Variants in PRMT3 observed in about 807,000 individuals in gnomAD.
PRMT3 encodes protein arginine methyltransferase 3.
PRMT3 carries 62 observed loss-of-function variants against 71.9 expected under a neutral mutation model. The observed-to-expected ratio is 0.86, with a 90% CI of 0.70 to 1.07. The LOEUF is 1.07. Among genes scored for constraint, PRMT3 ranks in the 50% least tolerant of loss-of-function variants. The pLI is 0.00. For missense variants in PRMT3, 663 were observed against 643.0 expected, an observed-to-expected ratio of 1.03 and a Z score of -0.34; for synonymous variants, 213 against 220.4, an observed-to-expected ratio of 0.97 and a Z score of 0.30.
In PRMT3 at chr11:20,504,707, T is replaced by TGAGAGAGAGA. The variant is rs57201745; in HGVS notation, c.1487-3567_1487-3558dup. 8.7e-4 allele frequency among the ~76,000 whole-genome samples: 116 copies of TGAGAGAGAGA among 133,624 alleles called. 1 individual carries two copies. Among genetic ancestry groups the TGAGAGAGAGA allele is most frequent in the African/African-American group, 2.6e-3 (85 of 33,118 alleles). The allele number at this position is 133,624 out of a possible 152,430, so 87.7% of individuals were successfully genotyped here. On this transcript the variant is annotated intron_variant, in intron 15 of 15. Coordinates refer to ENST00000331079, the MANE Select transcript of PRMT3 (RefSeq NM_005788.4). ...TATTGTATGTGTGTGTGTGTGTGTG[T>TGAGAGAGAGA]GAGAGAGAGAGAGAGAGAGAGAGAG... is the stretch of plus-strand genomic sequence containing the variant.
chr11:20,413,193 C>T (rs959893747), intron 9 of PRMT3, among the ~76,000 whole-genome samples: 2 of 152,020 alleles, frequency 1.3e-5, no homozygotes, highest in Non-Finnish European at 2.9e-5. Flanking sequence ...TTATAGTGTT[C>T]TTATGTGTCT....
chr11:20,500,214 A>T (rs1176168857), intron 15 of PRMT3, among the ~76,000 whole-genome samples: 10 of 152,232 alleles, frequency 6.6e-5, no homozygotes, highest in African/African-American at 2.4e-4. Flanking sequence ...TATATGCAAA[A>T]CTTGTATATT....
intron 13 of PRMT3, among the ~76,000 whole-genome samples, chr11:20,466,696 CTTAGTT>C (rs1207372861): frequency 3.9e-5 from 6 of 152,078 alleles, no homozygotes; most frequent in African/African-American, 1.4e-4. Flanking sequence ...CTTCAGTCAT[CTTAGTT>C]TTATTCTGTA....
intron 8 of PRMT3, among the ~76,000 whole-genome samples, chr11:20,404,139 A>G (rs1177235233): frequency 7.7e-6 from 1 of 129,736 alleles, no homozygotes; most frequent in Non-Finnish European, 1.7e-5. Flanking sequence ...TAAAAATTAT[A>G]GTTATCAGTT....
intron 13 of PRMT3, 67 bp from the exon 14 acceptor site, chr11:20,493,852 C>A: frequency 1.9e-6 from 2 of 1,056,508 alleles, no homozygotes; most frequent in Non-Finnish European, 2.8e-6. Context: ...TCTTAAGAGA[C>A]AGTAATGAGT....
At chr11:20,485,209 G>A (rs1851042290) in intron 13 of PRMT3, among the ~76,000 whole-genome samples, 1 of 152,010 alleles carries the variant, frequency 6.6e-6, no homozygotes, top group African/African-American at 2.4e-5. Context: ...ATCTCGGTTT[G>A]CCATGCCCCC....
In PRMT3 at chr11:20,426,864, T is replaced by A; in HGVS notation, c.992T>A (p.Met331Lys). ...EKVDVIISEWMGYFLLFESML... is the reference protein window; with the variant it reads ...EKVDVIISEWKGYFLLFESML... The stretch of plus-strand genomic sequence containing the variant: ...GTAGATGTTATCATATCTGAGTGGA[T>A]GGTGAGTGTTTATAGAAAAAACTAC... The change falls in exon 10 of 16, where the codon ATG becomes AAG. Residue 331 changes from methionine to lysine, a missense_variant and splice_region_variant. Coordinates refer to ENST00000331079, the MANE Select transcript of PRMT3 (RefSeq NM_005788.4). 3.9e-6 allele frequency: 6 copies of A among 1,527,716 alleles called. No homozygotes were observed. The South Asian group carries it at 8.0e-5, about 20-fold the overall frequency. 94.6% of individuals were successfully genotyped at this position (1,527,716 alleles called of 1,614,324 possible).
At chr11:20,506,836 C>T (rs930717241) in intron 15 of PRMT3, among the ~76,000 whole-genome samples, 4 of 152,050 alleles carry the variant, frequency 2.6e-5, no homozygotes, top group African/African-American at 7.2e-5. Flanking sequence ...TTTTAAACAG[C>T]TCTTTAAAAT....
At chr11:20,475,570 C>T (rs1328188303) in intron 13 of PRMT3, among the ~76,000 whole-genome samples, 1 of 52,354 alleles carries the variant, frequency 1.9e-5, no homozygotes, top group African/African-American at 3.9e-5. Flanking sequence ...TCTGTTTTTA[C>T]TTAAAAACCT....
chr11:20,476,284 C>T (rs1850782241), intron 13 of PRMT3, among the ~76,000 whole-genome samples: 1 of 151,998 alleles, frequency 6.6e-6, no homozygotes, highest in Admixed American at 6.6e-5. Flanking sequence ...ACCCAGGAGG[C>T]AGAGGTTGCA....
At chr11:20,473,742 A>G (rs772734500) in intron 13 of PRMT3, among the ~76,000 whole-genome samples, 9 of 151,930 alleles carry the variant, frequency 5.9e-5, no homozygotes, top group Admixed American at 3.3e-4. Flanking sequence ...ACTTCTGTCA[A>G]TTCAGCCATC....
chr11:20,448,446 GATTAT>G (rs1205385172), intron 10 of PRMT3, among the ~76,000 whole-genome samples: 4 of 152,048 alleles, frequency 2.6e-5, no homozygotes, highest in African/African-American at 7.2e-5. Context: ...TAGAAATTAT[GATTAT>G]ATTATATAGG....
chr11:20,488,795 CAT>C (rs1491561356), intron 13 of PRMT3, among the ~76,000 whole-genome samples: 1 of 152,132 alleles, frequency 6.6e-6, no homozygotes, highest in Non-Finnish European at 1.5e-5. Flanking sequence ...CTGAGAAAGT[CAT>C]TTTTTATCCC....
intron 11 of PRMT3, among the ~76,000 whole-genome samples, chr11:20,453,512 CAT>C (rs1419044336): frequency 6.6e-6 from 1 of 150,660 alleles, no homozygotes; most frequent in African/African-American, 2.4e-5. Flanking sequence ...AAGGCCAAAA[CAT>C]AAATACAGAG....
chr11:20,483,784 A>T (rs1265066229), intron 13 of PRMT3, among the ~76,000 whole-genome samples: 1 of 152,172 alleles, frequency 6.6e-6, no homozygotes, highest in African/African-American at 2.4e-5. Flanking sequence ...GTAGCCTTGT[A>T]TACTCTTCCT....
At chr11:20,396,128 A>C (rs994164251) in intron 6 of PRMT3, among the ~76,000 whole-genome samples, 166 bp downstream of exon 6, 20 of 152,240 alleles carry the variant, frequency 1.3e-4, no homozygotes, top group Non-Finnish European at 2.9e-5. Flanking sequence ...CTATGGATAT[A>C]GTTAATTAAT....
intron 9 of PRMT3, among the ~76,000 whole-genome samples, chr11:20,408,877 T>C (rs1849130340): frequency 6.6e-6 from 1 of 151,976 alleles, no homozygotes; most frequent in Non-Finnish European, 1.5e-5. Flanking sequence ...AAGGATTGCT[T>C]GAGCCCAGGA....
At chr11:20,497,096 A>C (rs1851351155) in intron 15 of PRMT3, among the ~76,000 whole-genome samples, 1 of 152,198 alleles carries the variant, frequency 6.6e-6, no homozygotes, top group Non-Finnish European at 1.5e-5. Flanking sequence ...CTAGAATTTT[A>C]AAGGCAGTAC....
At chr11:20,441,605 C>G (rs1339501463) in intron 10 of PRMT3, among the ~76,000 whole-genome samples, 1 of 151,910 alleles carries the variant, frequency 6.6e-6, no homozygotes, top group Non-Finnish European at 1.5e-5. Context: ...CCGCGCCCAG[C>G]CTGTAATTAA....
Sources: gnomAD v4.1 joint callset for allele counts (sites outside exome capture counted in the v4.1 genomes callset) on GRCh38, gnomAD v4.1.1 for gene constraint, MANE v1.5 for transcripts, NCBI Gene and HGNC (gene_info 2026-07-23, HGNC 2026-07-21) for gene names.